The following LEF1 variants were observed in gnomAD, a reference collection of about 807,000 sequenced individuals.
The protein encoded by LEF1 is lymphoid enhancer-binding factor 1.
In LEF1, 14 loss-of-function variants were observed where a neutral mutation model predicts 51.2. The observed-to-expected ratio is 0.27, with a 90% confidence interval of 0.18 to 0.43. LEF1 has a LOEUF of 0.43. Among genes scored for constraint, LEF1 ranks in the 20% least tolerant of loss-of-function variants. LEF1 has a pLI of 1.00. For missense variants in LEF1, 386 were observed against 512.0 expected, an observed-to-expected ratio of 0.75 and a Z score of 2.37; for synonymous variants, 185 against 183.2, an observed-to-expected ratio of 1.01 and a Z score of -0.08.
At chr4:108,090,804 G>A (rs986313369) in intron 3 of LEF1, among the ~76,000 whole-genome samples, 25 of 151,810 alleles carry the variant, frequency 1.6e-4, no homozygotes, top group African/African-American at 5.6e-4. Context: ...CTATCTAACC[G>A]TATTTTTATA....
intron 11 of LEF1, among the ~76,000 whole-genome samples, chr4:108,054,018 A>C (rs1737170565): frequency 6.6e-6 from 1 of 152,024 alleles, no homozygotes; most frequent in Admixed American, 6.5e-5. Context: ...TGTTTTGTTT[A>C]CCCAAACCAA....
intron 3 of LEF1, among the ~76,000 whole-genome samples, chr4:108,097,511 G>C (rs1457624532): frequency 6.6e-6 from 1 of 152,156 alleles, no homozygotes; most frequent in East Asian, 1.9e-4. Context: ...AGTTTTGATA[G>C]CTAGCACAAC....
intron 3 of LEF1, among the ~76,000 whole-genome samples, chr4:108,092,938 A>AAAAAAAAAAAAAAAAAAAAAAAAAAAAAC (rs1740135196): frequency 8.1e-6 from 1 of 122,926 alleles, no homozygotes; most frequent in Admixed American, 9.1e-5. Flanking sequence ...AAAAAAAAAA[A>AAAAAAAAAAAAAAAAAAAAAAAAAAAAAC]AAAAAAAAAA....
At chr4:108,099,797 T>C in intron 3 of LEF1, among the ~76,000 whole-genome samples, 1 of 151,374 alleles carries the variant, frequency 6.6e-6, no homozygotes, top group Non-Finnish European at 1.5e-5. Flanking sequence ...AGTACAGAAC[T>C]ATAACCTTTC....
intron 3 of LEF1, among the ~76,000 whole-genome samples, chr4:108,099,070 A>C (rs1457154889): frequency 1.3e-5 from 2 of 152,312 alleles, no homozygotes; most frequent in Non-Finnish European, 2.9e-5. Context: ...TAGAATTCAA[A>C]TACTGTGTGT....
At chr4:108,105,540 A>G (rs536224423) in intron 3 of LEF1, among the ~76,000 whole-genome samples, 2 of 152,326 alleles carry the variant, frequency 1.3e-5, no homozygotes, top group Middle Eastern at 3.4e-3. Context: ...TGAAAAGGTT[A>G]AAAGCCACTC....
chr4:108,124,063 G>A (rs1742353730), intron 3 of LEF1, among the ~76,000 whole-genome samples: 1 of 152,116 alleles, frequency 6.6e-6, no homozygotes, highest in African/African-American at 2.4e-5. Context: ...TGGGAGGATA[G>A]CTTGAGCCCA....
At chr4:108,083,200 T>C in intron 5 of LEF1, 156 bp downstream of exon 5, 1 of 640,958 alleles carries the variant, frequency 1.6e-6, no homozygotes. Flanking sequence ...TTTTTTAATC[T>C]TTTAAATTGA....
At chr4:108,125,879 C>T (rs1275588849) in intron 3 of LEF1, among the ~76,000 whole-genome samples, 1 of 152,100 alleles carries the variant, frequency 6.6e-6, no homozygotes, top group African/African-American at 2.4e-5. Flanking sequence ...TGTTGTTTTA[C>T]TTAAAACTCT....
chr4:108,063,592 G>C, intron 11 of LEF1, 31 bp downstream of exon 11: 1 of 1,561,610 alleles, frequency 6.4e-7, no homozygotes, highest in Non-Finnish European at 8.7e-7. Context: ...AACAACTAAC[G>C]TCAGCAGTAG....
chr4:108,143,883 T>A (rs1743831889), intron 3 of LEF1, among the ~76,000 whole-genome samples: 1 of 152,118 alleles, frequency 6.6e-6, no homozygotes, highest in Non-Finnish European at 1.5e-5. Context: ...AAAATTGCCA[T>A]CATTGAGAAT....
chr4:108,091,251 T>C (rs1578330895), intron 3 of LEF1, among the ~76,000 whole-genome samples: 1 of 152,156 alleles, frequency 6.6e-6, no homozygotes, highest in Non-Finnish European at 1.5e-5. Context: ...AACACACTTG[T>C]GTATGGTGGC....
At position 108,110,640 on chromosome 4, in the gene LEF1, G is replaced by A. The variant is rs140601569; in HGVS notation, c.415-21383C>T. ...ACCCCCTGCAATGGGCACATCATGC[G>A]GGTCTCCTAGGTATGCGACAAGACT... On this transcript the variant is annotated intron_variant, in intron 3 of 11. Transcript: ENST00000265165. Among the ~76,000 whole-genome samples the A allele has an allele frequency of 1.4e-3, 215 of 152,226 alleles. 2 individuals carry two copies. The highest frequency in any genetic ancestry group is 2.9e-3 in the African/African-American group (122 of 41,526).
intron 3 of LEF1, among the ~76,000 whole-genome samples, chr4:108,089,907 T>C (rs991181996): frequency 6.6e-6 from 1 of 152,224 alleles, no homozygotes; most frequent in East Asian, 1.9e-4. Context: ...GTTCATCTTC[T>C]GCTTCTCTAG....
chr4:108,164,599 C>T (rs1322554648), intron 2 of LEF1, among the ~76,000 whole-genome samples: 1 of 152,112 alleles, frequency 6.6e-6, no homozygotes, highest in Non-Finnish European at 1.5e-5. Flanking sequence ...TATGCACATT[C>T]CTAATTATAA....
At chr4:108,135,253 G>C (rs562089038) in intron 3 of LEF1, among the ~76,000 whole-genome samples, 7 of 152,288 alleles carry the variant, frequency 4.6e-5, no homozygotes, top group Admixed American at 2.0e-4. Flanking sequence ...CCTATCCTGT[G>C]GGGGGCCAGC....
chr4:108,078,095 A>T lies in LEF1; in HGVS notation c.1008+125T>A, dbSNP rs1033458845. The T allele has an allele frequency of 5.8e-6, 5 of 864,358 alleles. No homozygotes were observed. The African/African-American group carries it at 8.3e-5, about 14-fold the overall frequency. 53.5% of individuals were successfully genotyped at this position (864,358 alleles called of 1,614,324 possible). On this transcript the variant is annotated intron_variant, in intron 8 of 11. Coordinates refer to ENST00000265165, the MANE Select transcript of LEF1 (RefSeq NM_016269.5). Reference sequence around the variant, plus strand: ...CAGTTATCAAAATTCTTTAAAATGCATCATATCATATCTTGAAGTGCAAAC... The same window carrying T: ...CAGTTATCAAAATTCTTTAAAATGCTTCATATCATATCTTGAAGTGCAAAC...
chr4:108,124,393 G>A (rs6838919), intron 3 of LEF1, among the ~76,000 whole-genome samples: 67,357 of 150,172 alleles, frequency 0.45, 17,180 homozygotes, highest in Middle Eastern at 0.68. Context: ...TTTTTGAGAT[G>A]GAATCTTGCT....
chr4:108,065,657 G>A (rs1252673820), intron 9 of LEF1, among the ~76,000 whole-genome samples: 1 of 152,128 alleles, frequency 6.6e-6, no homozygotes, highest in Non-Finnish European at 1.5e-5. Context: ...ATCTTGAGGT[G>A]CAGAAATATG....
Sources: allele counts gnomAD v4.1 joint callset (sites outside exome capture counted in the v4.1 genomes callset), GRCh38; gene constraint gnomAD v4.1.1; transcripts MANE v1.5; gene names NCBI Gene and HGNC (gene_info 2026-07-23, HGNC 2026-07-21).